Variants in OPCML observed in about 807,000 individuals in gnomAD.
OPCML encodes the protein opioid-binding protein/cell adhesion molecule.
A neutral mutation model predicts 37.8 loss-of-function variants in OPCML; 13 were observed. That is an observed-to-expected ratio of 0.34 (90% CI 0.22 to 0.55). OPCML has a LOEUF of 0.55. OPCML is among the 20% of genes least tolerant of loss of function. The pLI, the probability that OPCML is intolerant of heterozygous loss-of-function variation, is 0.91. For synonymous variants in OPCML, 176 were observed against 168.8 expected (o/e 1.04, Z -0.33); for missense variants, 341 against 435.6 (o/e 0.78, Z 1.93).
chr11:132,898,980 T>C (rs1943951408), intron 2 of OPCML, among the ~76,000 whole-genome samples: 1 of 152,148 alleles, frequency 6.6e-6, no homozygotes, highest in African/African-American at 2.4e-5. Context: ...AGACTATGCC[T>C]GGAATACAGG....
At position 132,790,332 on chromosome 11, in the gene OPCML, T is replaced by G. The variant is rs149555787; in HGVS notation, c.147-133013A>C. Among the ~76,000 whole-genome samples the G allele has an allele frequency of 3.1e-3, 469 of 152,344 alleles. 2 individuals carry two copies. Among genetic ancestry groups the G allele is most frequent in the Non-Finnish European group, 5.5e-3 (372 of 68,044 alleles). ...GTGGCTAGAATTAACAATAATTGATTGTATATTTCAAAACAGGTGGAAGAA... is the reference window on the plus strand; with the variant it reads ...GTGGCTAGAATTAACAATAATTGATGGTATATTTCAAAACAGGTGGAAGAA... On this transcript the variant is annotated intron_variant, in intron 2 of 7. Transcript: ENST00000524381.
intron 1 of OPCML, among the ~76,000 whole-genome samples, chr11:133,288,769 C>G (rs1345387350): frequency 6.6e-6 from 1 of 152,126 alleles, no homozygotes; most frequent in Non-Finnish European, 1.5e-5. Flanking sequence ...TAATGAATAG[C>G]TAGAATTGCG....
intron 1 of OPCML, chr11:133,423,466 C>T: frequency 2.0e-6 from 2 of 985,400 alleles, no homozygotes; most frequent in Non-Finnish European, 2.4e-6. Context: ...ATTCTCTGCA[C>T]TCTGTTAGGC....
intron 1 of OPCML, among the ~76,000 whole-genome samples, chr11:132,988,048 G>A (rs1234210314): frequency 6.6e-6 from 1 of 152,212 alleles, no homozygotes; most frequent in African/African-American, 2.4e-5. Flanking sequence ...TGCAGAATTT[G>A]CTTTCAAGTA....
intron 1 of OPCML, among the ~76,000 whole-genome samples, chr11:133,309,991 T>C (rs1423584411): frequency 1.3e-5 from 2 of 151,704 alleles, no homozygotes; most frequent in Non-Finnish European, 2.9e-5. Context: ...TTGATAAATG[T>C]GTCTAGAGTA....
At chr11:133,114,498 C>G (rs894372304) in intron 1 of OPCML, among the ~76,000 whole-genome samples, 1 of 152,178 alleles carries the variant, frequency 6.6e-6, no homozygotes, top group Admixed American at 6.5e-5. Context: ...CTGTCTTCTT[C>G]CATTGCCTCT....
chr11:133,367,049 G>T (rs1944556541), intron 1 of OPCML, among the ~76,000 whole-genome samples: 1 of 152,108 alleles, frequency 6.6e-6, no homozygotes, highest in South Asian at 2.1e-4. Context: ...CGGTGTCTCG[G>T]TTCAATGCAA....
chr11:132,604,184 C>T (rs556860284), intron 3 of OPCML, among the ~76,000 whole-genome samples: 51 of 152,208 alleles, frequency 3.4e-4, no homozygotes, highest in African/African-American at 1.2e-3. Flanking sequence ...TGCGTCTGTC[C>T]TCAACAGTTA....
chr11:132,677,905 A>C (rs1310858888), intron 2 of OPCML, among the ~76,000 whole-genome samples: 1 of 152,180 alleles, frequency 6.6e-6, no homozygotes, highest in Non-Finnish European at 1.5e-5. Flanking sequence ...GATACGCTGG[A>C]TTTCATTAAA....
At chr11:133,418,527 G>A (rs1945815470) in intron 1 of OPCML, 1 of 914,082 alleles carries the variant, frequency 1.1e-6, no homozygotes, top group African/African-American at 1.8e-5. Context: ...TATGACAGTA[G>A]GAGAAACCTG....
At chr11:133,126,754 G>T (rs1480762786) in intron 1 of OPCML, among the ~76,000 whole-genome samples, 1 of 152,080 alleles carries the variant, frequency 6.6e-6, no homozygotes, top group Non-Finnish European at 1.5e-5. Flanking sequence ...ACTTGCCCAA[G>T]GCTACCCAGC....
intron 1 of OPCML, among the ~76,000 whole-genome samples, chr11:133,204,884 A>ATATGTGTATATATATATATATATATGTG (rs374646818): frequency 1.1e-4 from 4 of 36,286 alleles, no homozygotes; most frequent in Non-Finnish European, 2.2e-4. Context: ...ATATATATAT[A>ATATGTGTATATATATATATATATATGTG]TATATATATA....
chr11:132,976,392 G>A (rs897430668), intron 1 of OPCML, among the ~76,000 whole-genome samples: 6 of 152,144 alleles, frequency 3.9e-5, no homozygotes, highest in South Asian at 2.1e-4. Context: ...ATTTGTTTTC[G>A]CATCAGAAAG....
At chr11:133,368,158 G>A (rs900483896) in intron 1 of OPCML, among the ~76,000 whole-genome samples, 9 of 151,482 alleles carry the variant, frequency 5.9e-5, no homozygotes, top group Admixed American at 3.9e-4. Context: ...TTTGGTTCTC[G>A]TTAGTCCAAT....
chr11:132,703,784 G>C (rs1943924606), intron 2 of OPCML, among the ~76,000 whole-genome samples: 1 of 152,206 alleles, frequency 6.6e-6, no homozygotes, highest in South Asian at 2.1e-4. Flanking sequence ...TGGGTCCACA[G>C]GGGTGGGCCT....
chr11:132,683,992 T>G (rs992743447), intron 2 of OPCML, among the ~76,000 whole-genome samples: 7 of 152,214 alleles, frequency 4.6e-5, no homozygotes, highest in Non-Finnish European at 8.8e-5. Context: ...TCTCCAACTT[T>G]ATACTTGTAT....
At position 133,208,521 on chromosome 11, in the gene OPCML, T is replaced by G. The variant is rs1002165195; in HGVS notation, c.62-265511A>C. Among the ~76,000 whole-genome samples the G allele has an allele frequency of 6.6e-6, 1 of 152,214 alleles. No individual in the cohort carries two copies. Among genetic ancestry groups the G allele is most frequent in the African/African-American group, 2.4e-5 (1 of 41,452 alleles). On this transcript the variant is annotated intron_variant, in intron 1 of 7. Coordinates refer to ENST00000524381, the MANE Select transcript of OPCML (RefSeq NM_001012393.5). This position sits in a 1 kb window ranked among gnomAD's most constrained non-coding sequence, Gnocchi z 8.9. ...AATAAAGTGCAATGAAGTATGTCAG[T>G]AGGGCATCGTAAATATAATTCCAAT...
At chr11:132,878,117 G>T (rs931090327) in intron 2 of OPCML, among the ~76,000 whole-genome samples, 1 of 151,788 alleles carries the variant, frequency 6.6e-6, no homozygotes, top group Non-Finnish European at 1.5e-5. Flanking sequence ...AGGAGGCGGA[G>T]ATTGCAGTGA....
At chr11:132,846,596 T>C (rs1336678001) in intron 2 of OPCML, among the ~76,000 whole-genome samples, 1 of 152,176 alleles carries the variant, frequency 6.6e-6, no homozygotes, top group African/African-American at 2.4e-5. Context: ...CATAGAAATC[T>C]TAGGATTGAA....
Sources: allele counts gnomAD v4.1 joint callset (sites outside exome capture counted in the v4.1 genomes callset), GRCh38; gene constraint gnomAD v4.1.1; non-coding constraint Gnocchi (gnomAD v3.1); transcripts MANE v1.5; gene names NCBI Gene and HGNC (gene_info 2026-07-23, HGNC 2026-07-21).